SRBD1: variants seen among roughly 807,000 people sequenced by gnomAD.
The protein encoded by SRBD1 is S1 RNA-binding domain-containing protein 1.
SRBD1 carries 88 observed loss-of-function variants against 115.3 expected under a neutral mutation model. The ratio of observed to expected loss-of-function variants is 0.76; its 90% confidence interval spans 0.64 to 0.91. The LOEUF (loss-of-function observed/expected upper bound fraction) is 0.91. Among genes scored for constraint, SRBD1 ranks in the 40% least tolerant of loss-of-function variants. The pLI is 0.00. For synonymous variants in SRBD1, 509 were observed against 407.7 expected (o/e 1.25, Z -2.99); for missense variants, 1,385 against 1,177.4 (o/e 1.18, Z -2.58).
At chr2:45,400,502 G>C (rs1447174681) in intron 19 of SRBD1, among the ~76,000 whole-genome samples, 1 of 152,082 alleles carries the variant, frequency 6.6e-6, no homozygotes, top group Non-Finnish European at 1.5e-5. Flanking sequence ...ATTTTCTCCA[G>C]TCTCAAAACC....
chr2:45,585,781 A>G lies in SRBD1; in HGVS notation c.649-7T>C. On this transcript the variant is annotated splice_region_variant and splice_polypyrimidine_tract_variant and intron_variant, in intron 4 of 20. Coordinates refer to ENST00000263736, the MANE Select transcript of SRBD1 (RefSeq NM_018079.5). ...TAGTTCTCTCAGATAAAACCTGCAAATTAAAGATACTTAGTGATTTAAAAT... is the reference window on the plus strand; with the variant it reads ...TAGTTCTCTCAGATAAAACCTGCAAGTTAAAGATACTTAGTGATTTAAAAT... 1 of 1,582,946 alleles carries G rather than the reference A, an allele frequency of 6.3e-7. No individual in the cohort carries two copies. The highest frequency in any genetic ancestry group is 8.5e-7 in the Non-Finnish European group (1 of 1,171,334).
chr2:45,586,721 T>A (rs924514507), intron 4 of SRBD1, among the ~76,000 whole-genome samples: 1 of 151,554 alleles, frequency 6.6e-6, no homozygotes, highest in Non-Finnish European at 1.5e-5. Context: ...TTTTTTTTTT[T>A]TTATTAGTGG....
chr2:45,471,855 A>C (rs1487331934), intron 16 of SRBD1, among the ~76,000 whole-genome samples: 2 of 152,198 alleles, frequency 1.3e-5, no homozygotes, highest in Non-Finnish European at 2.9e-5. Context: ...ATCAAGAATA[A>C]AACAAAACCT....
intron 19 of SRBD1, among the ~76,000 whole-genome samples, chr2:45,394,364 G>A (rs191238679): frequency 8.1e-4 from 124 of 152,236 alleles, no homozygotes; most frequent in African/African-American, 2.3e-3. Flanking sequence ...CCTTGGCTGG[G>A]TATTTTTCTA....
intron 14 of SRBD1, among the ~76,000 whole-genome samples, chr2:45,513,786 GTT>G (rs34065242): frequency 1.3e-5 from 2 of 151,524 alleles, no homozygotes; most frequent in Non-Finnish European, 3.0e-5. Context: ...GTTCAAAACA[GTT>G]TTTTTTTGTT....
intron 20 of SRBD1, among the ~76,000 whole-genome samples, chr2:45,389,859 C>T (rs6758255): frequency 0.14 from 20,555 of 152,070 alleles, 2,585 homozygotes; most frequent in African/African-American, 0.33. Context: ...ACATAAGGAT[C>T]GAGAAGACAG....
chr2:45,581,257 C>T (rs1299763868), intron 6 of SRBD1, among the ~76,000 whole-genome samples: 13 of 152,096 alleles, frequency 8.5e-5, no homozygotes. Context: ...CCTCCTTATG[C>T]TCTCACATCC....
At chr2:45,534,139 C>T (rs1290100737) in intron 14 of SRBD1, among the ~76,000 whole-genome samples, 3 of 151,870 alleles carry the variant, frequency 2.0e-5, no homozygotes, top group Non-Finnish European at 2.9e-5. Context: ...GAATTCAAAT[C>T]CAAATAGTAT....
chr2:45,603,477 T>C (rs538463374), intron 2 of SRBD1, among the ~76,000 whole-genome samples: 8 of 152,190 alleles, frequency 5.3e-5, no homozygotes, highest in Non-Finnish European at 1.2e-4. Context: ...CAGCCCTCTA[T>C]GCTCTCTTGC....
At chr2:45,497,686 T>C (rs762545455) in intron 14 of SRBD1, among the ~76,000 whole-genome samples, 3 of 152,192 alleles carry the variant, frequency 2.0e-5, no homozygotes, top group Non-Finnish European at 4.4e-5. Context: ...ATTCAATGAC[T>C]TTTAGTAAAT....
intron 19 of SRBD1, among the ~76,000 whole-genome samples, chr2:45,412,531 A>C (rs892517204): frequency 3.3e-5 from 5 of 152,198 alleles, no homozygotes; most frequent in Non-Finnish European, 4.4e-5. Flanking sequence ...AATCTTTAAA[A>C]AATGTCGTTA....
chr2:45,532,150 C>A (rs1352090924), intron 14 of SRBD1, among the ~76,000 whole-genome samples: 2 of 149,636 alleles, frequency 1.3e-5, no homozygotes, highest in African/African-American at 2.4e-5. Context: ...TTTTGCCATG[C>A]CGCTGCCATC....
chr2:45,481,072 G>C (rs868073936), intron 15 of SRBD1, among the ~76,000 whole-genome samples: 1 of 152,276 alleles, frequency 6.6e-6, no homozygotes. Flanking sequence ...AAAAGACTGT[G>C]AACTGCTGAA....
intron 16 of SRBD1, among the ~76,000 whole-genome samples, chr2:45,461,843 G>A (rs894364296): frequency 1.3e-5 from 2 of 152,076 alleles, no homozygotes; most frequent in Non-Finnish European, 2.9e-5. Flanking sequence ...CTTATTCTGT[G>A]GAGTCCTCTT....
rs982909195 is a variant in SRBD1, at chr2:45,572,821, A to G, written c.1305+386T>C. Among the ~76,000 whole-genome samples, 13 of 152,296 alleles carry G rather than the reference A, an allele frequency of 8.5e-5. No individual in the cohort carries two copies. In the South Asian group the frequency reaches 1.4e-3, roughly 17 times the overall value. The stretch of plus-strand genomic sequence containing the variant: ...CACTGAGATACAATGACTGATTTAT[A>G]TAAGTAAATGAGACCTCTCACACTT... On this transcript the variant is annotated intron_variant, in intron 9 of 20. Coordinates refer to ENST00000263736, the MANE Select transcript of SRBD1 (RefSeq NM_018079.5).
chr2:45,413,374 T>A, intron 18 of SRBD1, 81 bp from the exon 19 acceptor site: 1 of 1,477,766 alleles, frequency 6.8e-7, no homozygotes, highest in African/African-American at 1.4e-5. Context: ...TGTGCTTACT[T>A]CTCTGTCATA....
At chr2:45,597,324 G>C (rs1312928519) in intron 4 of SRBD1, among the ~76,000 whole-genome samples, 1 of 151,946 alleles carries the variant, frequency 6.6e-6, no homozygotes. Flanking sequence ...GGAGGCTGAG[G>C]CAGGAGAATC....
chr2:45,610,792 A>C (rs1022091628), intron 1 of SRBD1, among the ~76,000 whole-genome samples: 1 of 152,054 alleles, frequency 6.6e-6, no homozygotes. Context: ...GCCGGGTGTG[A>C]TGACGGGCGC....
chr2:45,402,385 C>G (rs1184829337), intron 19 of SRBD1, among the ~76,000 whole-genome samples: 1 of 152,150 alleles, frequency 6.6e-6, no homozygotes, highest in Non-Finnish European at 1.5e-5. Context: ...CGGCTGTCTA[C>G]TCTCTGATAC....
Sources: gnomAD v4.1 joint callset for allele counts (sites outside exome capture counted in the v4.1 genomes callset) on GRCh38, gnomAD v4.1.1 for gene constraint, MANE v1.5 for transcripts, NCBI Gene and HGNC (gene_info 2026-07-23, HGNC 2026-07-21) for gene names.